Variants in C2CD2 observed in about 807,000 individuals in gnomAD.
C2CD2 encodes the protein C2 domain-containing protein 2.
C2CD2 carries 43 observed loss-of-function variants against 74.3 expected under a neutral mutation model. That is an observed-to-expected ratio of 0.58 (90% confidence interval 0.45 to 0.75). C2CD2 has a LOEUF of 0.75. Ranked by LOEUF, C2CD2 falls within the 30% of genes least tolerant of loss-of-function variation. The pLI is 0.00. For synonymous variants in C2CD2, 422 were observed against 390.7 expected, an observed-to-expected ratio of 1.08 and a Z score of -0.94; for missense variants, 801 against 916.3, an observed-to-expected ratio of 0.87 and a Z score of 1.63.
Position 41,953,454 on chromosome 21 carries a change from G to A in C2CD2, c.195C>T (p.Ser65=), listed in dbSNP as rs750799991. 10 of 1,490,088 alleles carry A rather than the reference G, an allele frequency of 6.7e-6. No homozygotes were observed. The highest frequency in any genetic ancestry group is 9.0e-6 in the Non-Finnish European group (10 of 1,116,684). The allele number at this position is 1,490,088 out of a possible 1,614,324, so 92.3% of individuals were successfully genotyped here. ...GPRPGSDALL[S]WILTLGSWRS... ...TCCAGCTGCCCAGCGTCAGGATCCA[G>A]GAGAGCAGCGCGTCGGACCCCGGGC... Residue 65 remains serine (S), a synonymous_variant, in exon 1 of 14, where the codon TCC becomes TCT. Coordinates refer to ENST00000380486, the MANE Select transcript of C2CD2 (RefSeq NM_015500.2).
intron 13 of C2CD2, chr21:41,894,758 C>T (rs1296220934): frequency 8.8e-6 from 4 of 456,634 alleles, no homozygotes; most frequent in African/African-American, 2.0e-5. Flanking sequence ...AAGCCTGTTT[C>T]GACTTGGAAG....
At chr21:41,940,864 A>G (rs552554669) in intron 2 of C2CD2, among the ~76,000 whole-genome samples, 114 of 152,340 alleles carry the variant, frequency 7.5e-4, no homozygotes, top group African/African-American at 2.5e-3. Context: ...GCCAACAAGA[A>G]TATACTGTAT....
intron 1 of C2CD2, among the ~76,000 whole-genome samples, chr21:41,947,097 T>G (rs1168712865): frequency 6.6e-6 from 1 of 150,792 alleles, no homozygotes; most frequent in Non-Finnish European, 1.5e-5. Context: ...TTTCTTTCTT[T>G]CTTTCCTTTC....
rs2064964404 is a variant in C2CD2 at position 41,906,556 on chromosome 21, G to C, written c.1318+436C>G. The stretch of plus-strand genomic sequence containing the variant: ...AATTTTGTATTTTTAGTAGAGATGG[G>C]GTTTCACCACGTTGGTCAGGCTGGT... On this transcript the variant is annotated intron_variant, in intron 10 of 13. Coordinates refer to ENST00000380486, the MANE Select transcript of C2CD2 (RefSeq NM_015500.2). Among the ~76,000 whole-genome samples, 2 of 152,054 alleles carry C rather than the reference G, an allele frequency of 1.3e-5. 1 individual carries two copies. Among genetic ancestry groups the C allele is most frequent in the South Asian group, 4.1e-4 (2 of 4,830 alleles).
intron 2 of C2CD2, among the ~76,000 whole-genome samples, chr21:41,937,400 A>G (rs2065318185): frequency 6.6e-6 from 1 of 152,262 alleles, no homozygotes; most frequent in Non-Finnish European, 1.5e-5. Flanking sequence ...TACAGGCATA[A>G]GCCACCTTCA....
Position 41,899,272 on chromosome 21 carries a change from G to C in C2CD2, c.1651C>G (p.Pro551Ala). Residue 551 changes from proline (P) to alanine (A), a missense_variant, in exon 13 of 14, where the codon CCG becomes GCG. Physicochemically the swap from Pro to Ala is conservative, Grantham distance 27. Transcript: ENST00000380486. This position sits in a 1 kb window ranked among gnomAD's most constrained non-coding sequence, Gnocchi z 4.4. ...GGGGCAGAGGCTGCCGCCCTCTCCG[G>C]ATGGGATGGGGCGTCCTCCTGGTGG... Reference protein sequence around the residue: ...STHQEDAPSHPERAAASAPPE... With the variant: ...STHQEDAPSHAERAAASAPPE... 4 of 1,612,142 alleles carry C rather than the reference G, an allele frequency of 2.5e-6. No homozygotes were observed. Among genetic ancestry groups the C allele is most frequent in the Non-Finnish European group, 3.4e-6 (4 of 1,179,890 alleles).
chr21:41,936,577 G>A (rs1176356416), intron 2 of C2CD2, among the ~76,000 whole-genome samples: 2 of 152,130 alleles, frequency 1.3e-5, no homozygotes, highest in African/African-American at 4.8e-5. Context: ...TGATCCAGCA[G>A]TCCCACTACT....
In C2CD2 at chr21:41,914,884, C is replaced by G. The variant is rs986721298; in HGVS notation, c.721-163G>C. On this transcript the variant is annotated intron_variant, in intron 5 of 13. Transcript: ENST00000380486. ...TGGGATCTGCTCTGAAACAATTTCC[C>G]TTCTCACATGAAGGGAGGGAGCCAA... is the stretch of plus-strand genomic sequence containing the variant. Among the ~76,000 whole-genome samples the G allele has an allele frequency of 6.6e-5, 10 of 152,134 alleles. No individual in the cohort carries two copies. The South Asian group carries it at 2.1e-3, about 32-fold the overall frequency.
intron 11 of C2CD2, 110 bp downstream of exon 11, chr21:41,905,614 G>A: frequency 3.2e-6 from 2 of 621,358 alleles, no homozygotes; most frequent in Non-Finnish European, 5.7e-6. Context: ...CACCACACCA[G>A]GCCCAAAACA....
chr21:41,887,817 A>G lies in C2CD2; in HGVS notation c.*1307T>C, dbSNP rs1222905022. ...GTAACAGCCTTTTACATGTCTTTGG[A>G]GAAAAGTGAATCATATTAAACTGTC... On this transcript the variant is annotated 3_prime_UTR_variant, in exon 14 of 14. Transcript: ENST00000380486. 6.6e-6 allele frequency: 1 copy of G among 152,202 alleles called. No individual in the cohort carries two copies. The highest frequency in any genetic ancestry group is 2.4e-5 in the African/African-American group (1 of 41,434). 9.4% of individuals were successfully genotyped at this position (152,202 alleles called of 1,614,324 possible).
Position 41,939,172 on chromosome 21 carries a change from A to G in C2CD2, c.378+2975T>C, listed in dbSNP as rs1273013029. ...TTCAGCAGTTATGAAAAATGTTGCT[A>G]TGGTCATGGCCATACAAATACGATG... On this transcript the variant is annotated intron_variant, in intron 2 of 13. Transcript: ENST00000380486. The surrounding 1 kb of genome is among the most constrained non-coding windows in gnomAD (Gnocchi z 5.5). Among the ~76,000 whole-genome samples the G allele has an allele frequency of 6.6e-6, 1 of 152,138 alleles. No individual in the cohort carries two copies. Among genetic ancestry groups the G allele is most frequent in the Non-Finnish European group, 1.5e-5 (1 of 68,042 alleles).
At position 41,932,154 on chromosome 21, in the gene C2CD2, A is replaced by G. The variant is rs959096161; in HGVS notation, c.378+9993T>C. On this transcript the variant is annotated intron_variant, in intron 2 of 13. Coordinates refer to ENST00000380486, the MANE Select transcript of C2CD2 (RefSeq NM_015500.2). ...ATGATGTAATCCATCATGCCTAGCGAATGAATCCTCCATAAAAACCCTGAA... is the reference window on the plus strand; with the variant it reads ...ATGATGTAATCCATCATGCCTAGCGGATGAATCCTCCATAAAAACCCTGAA... Among the ~76,000 whole-genome samples, 32 of 149,462 alleles carry G rather than the reference A, an allele frequency of 2.1e-4. 1 individual carries two copies. Among genetic ancestry groups the G allele is most frequent in the Admixed American group, 6.7e-5 (1 of 14,878 alleles).
At chr21:41,950,167 G>C (rs1466642647) in intron 1 of C2CD2, among the ~76,000 whole-genome samples, 1 of 152,096 alleles carries the variant, frequency 6.6e-6, no homozygotes, top group East Asian at 1.9e-4. Context: ...AAAAGAAAGA[G>C]GAACTCTGAT....
chr21:41,948,054 C>A (rs889562324), intron 1 of C2CD2, among the ~76,000 whole-genome samples: 3 of 152,258 alleles, frequency 2.0e-5, no homozygotes, highest in Non-Finnish European at 4.4e-5. Context: ...TGAACTGGCG[C>A]CTATTCCTGG....
At chr21:41,944,207 A>G (rs2065378797) in intron 1 of C2CD2, among the ~76,000 whole-genome samples, 1 of 152,184 alleles carries the variant, frequency 6.6e-6, no homozygotes. Context: ...TACCTTCTGA[A>G]TTCAAACCTT....
chr21:41,900,281 T>A (rs540408), intron 12 of C2CD2, among the ~76,000 whole-genome samples: 30,496 of 151,716 alleles, frequency 0.2, 3,370 homozygotes, highest in Middle Eastern at 0.38. Context: ...CTCAAAAAAA[T>A]AAAATAAAAT....
At chr21:41,949,990 G>C (rs1218056842) in intron 1 of C2CD2, among the ~76,000 whole-genome samples, 1 of 152,186 alleles carries the variant, frequency 6.6e-6, no homozygotes, top group East Asian at 1.9e-4. Flanking sequence ...GCCTGTCAGG[G>C]ACTGGGCGGC....
At chr21:41,901,194 T>C (rs1185348637) in intron 12 of C2CD2, 3 of 290,852 alleles carry the variant, frequency 1.0e-5, no homozygotes, top group African/African-American at 4.4e-5. Context: ...ACAATGTTCA[T>C]TTCTCTCTGA....
In C2CD2 at chr21:41,886,172, C is replaced by T. The variant is rs981644047; in HGVS notation, c.*2952G>A. 1 of 152,146 alleles carries T rather than the reference C, an allele frequency of 6.6e-6. No homozygotes were observed. The highest frequency in any genetic ancestry group is 2.4e-5 in the African/African-American group (1 of 41,428). The allele number at this position is 152,146 out of a possible 1,614,324, so 9.4% of individuals were successfully genotyped here. ...TTCCAGAGATACAGACACAATTAAT[C>T]TTAGTGTTCATGAGGAATTGTTTTT... On this transcript the variant is annotated 3_prime_UTR_variant, in exon 14 of 14. Coordinates refer to ENST00000380486, the MANE Select transcript of C2CD2 (RefSeq NM_015500.2).
Sources: gnomAD v4.1 joint callset for allele counts (sites outside exome capture counted in the v4.1 genomes callset) on GRCh38, gnomAD v4.1.1 for gene constraint, Gnocchi (gnomAD v3.1) non-coding constraint, MANE v1.5 for transcripts, NCBI Gene and HGNC (gene_info 2026-07-23, HGNC 2026-07-21) for gene names.